Variants in RARB observed in about 807,000 individuals in gnomAD.
RARB encodes HBV-activated protein.
In RARB, 17 loss-of-function variants were observed where a neutral mutation model predicts 51.9. The ratio of observed to expected loss-of-function variants is 0.33; its 90% CI spans 0.22 to 0.49. The LOEUF (loss-of-function observed/expected upper bound fraction) is 0.49. Among genes scored for constraint, RARB ranks in the 20% least tolerant of loss-of-function variants. RARB has a pLI of 0.99. For synonymous variants in RARB, 215 were observed against 195.4 expected (o/e 1.10, Z -0.84); for missense variants, 369 against 550.8 (o/e 0.67, Z 3.30).
In RARB at chr3:25,596,533, G is replaced by A. The variant is rs755090683; in HGVS notation, c.1264G>A (p.Gly422Arg). The change falls in exon 8 of 8, where the codon GGG becomes AGG. Residue 422 changes from glycine (G) to arginine (R), a missense_variant. Around this residue, in one of 9 missense-constraint regions of RARB, gnomAD observed 54 missense variants for 43.4 expected, o/e 1.24. Coordinates refer to ENST00000330688, the MANE Select transcript of RARB (RefSeq NM_000965.5). ...GHEPLTPSSS[G>R]NTAEHSPSIS... Reference sequence around the variant, plus strand: ...TGAACCCTTGACCCCAAGTTCAAGTGGGAACACAGCAGAGCACAGTCCTAG... The same window carrying A: ...TGAACCCTTGACCCCAAGTTCAAGTAGGAACACAGCAGAGCACAGTCCTAG... The A allele has an allele frequency of 6.2e-7, 1 of 1,613,832 alleles. No individual in the cohort carries two copies. Among genetic ancestry groups the A allele is most frequent in the Non-Finnish European group, 8.5e-7 (1 of 1,179,770 alleles).
At chr3:25,513,044 C>G (rs922459400) in intron 3 of RARB, among the ~76,000 whole-genome samples, 3 of 148,812 alleles carry the variant, frequency 2.0e-5, no homozygotes, top group African/African-American at 7.5e-5. Context: ...AATCCCAGCA[C>G]TTTGGGAGGT....
At chr3:25,485,717 CATTT>C (rs946877375) in intron 2 of RARB, among the ~76,000 whole-genome samples, 3 of 151,964 alleles carry the variant, frequency 2.0e-5, no homozygotes, top group African/African-American at 4.8e-5. Flanking sequence ...TTTTCATTTC[CATTT>C]ATTTTTTCCC....
intron 3 of RARB, among the ~76,000 whole-genome samples, chr3:25,507,369 A>G (rs1261871886): frequency 6.6e-6 from 1 of 152,212 alleles, no homozygotes; most frequent in East Asian, 1.9e-4. Context: ...AATCGCAGTC[A>G]TTCGTTTATC....
chr3:25,207,654 G>A (rs948454357), intron 5 of RARB, among the ~76,000 whole-genome samples: 10 of 152,082 alleles, frequency 6.6e-5, no homozygotes, highest in African/African-American at 1.4e-4. Flanking sequence ...CTCTCCCTGC[G>A]GGAATAAAAC....
intron 4 of RARB, among the ~76,000 whole-genome samples, chr3:25,146,417 G>T (rs1317218255): frequency 2.6e-5 from 4 of 151,676 alleles, no homozygotes; most frequent in Admixed American, 1.3e-4. Flanking sequence ...AGGGGGCAGG[G>T]TTATATCCCA....
chr3:25,414,165 T>C (rs1259823462), intron 5 of RARB, among the ~76,000 whole-genome samples: 3 of 152,210 alleles, frequency 2.0e-5, no homozygotes, highest in Non-Finnish European at 2.9e-5. Flanking sequence ...TTAAATCAAA[T>C]TATACATTAG....
intron 5 of RARB, among the ~76,000 whole-genome samples, chr3:25,277,779 C>T (rs957143690): frequency 6.6e-5 from 10 of 152,154 alleles, no homozygotes; most frequent in African/African-American, 2.4e-4. Context: ...TGAAGTATAG[C>T]ACATAAGTGC....
intron 4 of RARB, among the ~76,000 whole-genome samples, chr3:25,155,925 A>C (rs888619054): frequency 7.3e-5 from 11 of 151,442 alleles, no homozygotes; most frequent in Admixed American, 3.3e-4. Flanking sequence ...TTAACTTAAA[A>C]CCCCCTCCAT....
chr3:25,046,855 A>C (rs1698228496), intron 2 of RARB, among the ~76,000 whole-genome samples: 1 of 152,222 alleles, frequency 6.6e-6, no homozygotes, highest in African/African-American at 2.4e-5. Flanking sequence ...TATAATTTAT[A>C]AGTTAATACA....
intron 5 of RARB, among the ~76,000 whole-genome samples, chr3:25,356,629 A>T (rs1335333779): frequency 6.6e-6 from 1 of 151,972 alleles, no homozygotes; most frequent in East Asian, 1.9e-4. Flanking sequence ...CCCATCATCT[A>T]CATTAGGTAT....
At chr3:24,910,336 C>T (rs539902914) in intron 2 of RARB, among the ~76,000 whole-genome samples, 3 of 152,180 alleles carry the variant, frequency 2.0e-5, no homozygotes, top group Middle Eastern at 3.4e-3. Flanking sequence ...GGTTCAGTCC[C>T]GCTAATACTA....
intron 2 of RARB, among the ~76,000 whole-genome samples, chr3:24,948,204 C>T (rs536478696): frequency 6.6e-6 from 1 of 151,464 alleles, no homozygotes; most frequent in South Asian, 2.1e-4. Context: ...CTCAGTGTAC[C>T]CACTAGAGGA....
chr3:25,114,693 T>C (rs768045909), intron 3 of RARB, among the ~76,000 whole-genome samples: 5 of 152,166 alleles, frequency 3.3e-5, no homozygotes, highest in African/African-American at 7.2e-5. Context: ...TAGACAACCA[T>C]GTAAGGATCC....
At chr3:24,979,960 C>A (rs1233776355) in intron 2 of RARB, among the ~76,000 whole-genome samples, 1 of 152,092 alleles carries the variant, frequency 6.6e-6, no homozygotes, top group East Asian at 1.9e-4. Context: ...GTAAGGCAGG[C>A]CTGGTGGTGA....
intron 2 of RARB, among the ~76,000 whole-genome samples, chr3:24,957,174 G>A (rs1405108500): frequency 6.6e-6 from 1 of 152,142 alleles, no homozygotes; most frequent in Non-Finnish European, 1.5e-5. Flanking sequence ...CACTTCTGAA[G>A]TGGAATCTGG....
chr3:24,970,574 A>AACACACACACACACACACACACACAC (rs60292267), intron 2 of RARB, among the ~76,000 whole-genome samples: 15 of 148,878 alleles, frequency 1.0e-4, no homozygotes, highest in African/African-American at 3.2e-4. Flanking sequence ...AAGTCATGTA[A>AACACACACACACACACACACACACAC]ACACACACAC....
chr3:24,950,283 A>G (rs1468172517), intron 2 of RARB, among the ~76,000 whole-genome samples: 1 of 152,198 alleles, frequency 6.6e-6, no homozygotes, highest in African/African-American at 2.4e-5. Flanking sequence ...GCCATTTCAA[A>G]ATGCCCTATT....
At chr3:24,851,427 C>CAAA (rs1286953428) in intron 1 of RARB, among the ~76,000 whole-genome samples, 4 of 72,460 alleles carry the variant, frequency 5.5e-5, no homozygotes, top group African/African-American at 1.5e-4. Flanking sequence ...GACTTTGTCT[C>CAAA]AAAAAAAAAA....
intron 2 of RARB, among the ~76,000 whole-genome samples, chr3:24,978,915 T>G (rs760151810): frequency 1.1e-4 from 17 of 152,242 alleles, no homozygotes; most frequent in Non-Finnish European, 2.5e-4. Context: ...CTCTACACAC[T>G]GCTTTAAATG....
Sources: gnomAD v4.1 joint callset for allele counts (sites outside exome capture counted in the v4.1 genomes callset) on GRCh38, gnomAD v4.1.1 for gene constraint, gnomAD v4.1.1 regional missense constraint, MANE v1.5 for transcripts, NCBI Gene and HGNC (gene_info 2026-07-23, HGNC 2026-07-21) for gene names.